Variants in RBFOX1 observed in about 807,000 individuals in gnomAD.
The protein encoded by RBFOX1 is RNA binding protein fox-1 homolog 1.
RBFOX1 carries 8 observed loss-of-function variants against 57.7 expected under a neutral mutation model. The observed-to-expected ratio is 0.14, with a 90% CI of 0.08 to 0.25. The LOEUF (loss-of-function observed/expected upper bound fraction) is 0.25. Ranked by LOEUF, RBFOX1 falls within the 10% of genes least tolerant of loss-of-function variation. The pLI is 1.00. For missense variants in RBFOX1, 611 were observed against 548.5 expected, an observed-to-expected ratio of 1.11 and a Z score of -1.14; for synonymous variants, 326 against 222.4, an observed-to-expected ratio of 1.47 and a Z score of -4.15.
Position 7,332,446 on chromosome 16 carries a change from C to G in RBFOX1, c.28-185701C>G, listed in dbSNP as rs540736900. ...GCGGGAGGAAAACTAGACTGAATAT[C>G]TTCTTATTTTTTTTCTATCAGTGCC... On this transcript the variant is annotated intron_variant, in intron 4 of 15. Transcript: ENST00000550418. 1.1e-3 allele frequency among the ~76,000 whole-genome samples: 167 copies of G among 152,278 alleles called. 2 individuals are homozygous for G. Among genetic ancestry groups the G allele is most frequent in the South Asian group, 3.3e-3 (16 of 4,832 alleles).
rs558086328 is a variant in RBFOX1 at position 5,838,473 on chromosome 16, C to G, written c.319-28830C>G. The stretch of plus-strand genomic sequence containing the variant: ...TACAATCATATATCCTATTCTGGCT[C>G]CCATCCAGTTAGGATGCTGCAGATG... On this transcript the variant is annotated intron_variant, in intron 3 of 19. Transcript: ENST00000641259. The G allele has an allele frequency of 3.9e-3, 602 of 154,544 alleles. 4 individuals are homozygous for G. Among genetic ancestry groups the G allele is most frequent in the Middle Eastern group, 0.031 (11 of 360 alleles). 9.6% of individuals were successfully genotyped at this position (154,544 alleles called of 1,614,324 possible). A position where few individuals can be genotyped will look rare whatever the true frequency, so the allele number is the denominator to read the frequency against.
chr16:7,017,349 A>G (rs985621652), intron 3 of RBFOX1, among the ~76,000 whole-genome samples: 1 of 152,184 alleles, frequency 6.6e-6, no homozygotes, highest in Non-Finnish European at 1.5e-5. Flanking sequence ...GCGGGTGCAT[A>G]TTTAAATGCA....
intron 3 of RBFOX1, among the ~76,000 whole-genome samples, chr16:6,656,549 G>A (rs1254312339): frequency 1.3e-5 from 2 of 151,378 alleles, no homozygotes; most frequent in African/African-American, 4.9e-5. Flanking sequence ...GTCATTAATG[G>A]TCATACTGTG....
intron 10 of RBFOX1, among the ~76,000 whole-genome samples, chr16:7,627,451 C>T (rs1229963156): frequency 6.6e-6 from 1 of 152,114 alleles, no homozygotes; most frequent in Non-Finnish European, 1.5e-5. Flanking sequence ...TTGATAAAAG[C>T]ACAGAAGTCT....
chr16:6,336,064 CT>C (rs1385728182), intron 2 of RBFOX1, among the ~76,000 whole-genome samples: 2 of 144,846 alleles, frequency 1.4e-5, no homozygotes, highest in East Asian at 4.1e-4. Flanking sequence ...CCTTGGTTTC[CT>C]CTTTTGGTAA....
At chr16:6,813,338 C>T (rs1163850997) in intron 3 of RBFOX1, among the ~76,000 whole-genome samples, 1 of 152,186 alleles carries the variant, frequency 6.6e-6, no homozygotes, top group African/African-American at 2.4e-5. Flanking sequence ...TGACCACATT[C>T]ATGTAACTGC....
chr16:5,426,909 C>A (rs939247866), intron 1 of RBFOX1, among the ~76,000 whole-genome samples: 35 of 152,182 alleles, frequency 2.3e-4, no homozygotes, highest in Admixed American at 6.5e-5. Flanking sequence ...AAAATTGGAG[C>A]CCAGAGCCCT....
intron 3 of RBFOX1, among the ~76,000 whole-genome samples, chr16:5,619,184 C>A (rs753132477): frequency 1.1e-4 from 16 of 152,132 alleles, no homozygotes; most frequent in African/African-American, 3.1e-4. Flanking sequence ...AGGCTATGTT[C>A]GTTCTTAAAA....
At chr16:6,716,513 C>T (rs1303897949) in intron 3 of RBFOX1, among the ~76,000 whole-genome samples, 3 of 152,164 alleles carry the variant, frequency 2.0e-5, no homozygotes, top group African/African-American at 7.2e-5. Context: ...CAACTAAAAT[C>T]TGTTTGCTTT....
intron 9 of RBFOX1, among the ~76,000 whole-genome samples, chr16:7,602,227 C>A (rs2095062430): frequency 6.6e-6 from 1 of 152,208 alleles, no homozygotes; most frequent in South Asian, 2.1e-4. Flanking sequence ...AATACTGACA[C>A]TTGACCTTTG....
chr16:6,614,868 G>C (rs994146510), intron 2 of RBFOX1, among the ~76,000 whole-genome samples: 1 of 152,132 alleles, frequency 6.6e-6, no homozygotes, highest in Non-Finnish European at 1.5e-5. Context: ...TTAATAAAGT[G>C]ACTCTGTGTT....
chr16:7,052,720 G>T (rs2050533938), intron 4 of RBFOX1, among the ~76,000 whole-genome samples: 1 of 152,142 alleles, frequency 6.6e-6, no homozygotes, highest in South Asian at 2.1e-4. Flanking sequence ...AATGGAGCTT[G>T]GTGACATTGT....
At chr16:5,372,378 T>C (rs1164746508) in intron 1 of RBFOX1, among the ~76,000 whole-genome samples, 1 of 152,178 alleles carries the variant, frequency 6.6e-6, no homozygotes, top group Non-Finnish European at 1.5e-5. Flanking sequence ...GTCTATGTAT[T>C]GGGTGTGTGG....
At chr16:7,533,082 A>G (rs1024876287) in intron 5 of RBFOX1, among the ~76,000 whole-genome samples, 5 of 152,174 alleles carry the variant, frequency 3.3e-5, no homozygotes, top group African/African-American at 7.2e-5. Flanking sequence ...CCCTCTGACT[A>G]TTTGTCATAG....
intron 4 of RBFOX1, among the ~76,000 whole-genome samples, chr16:5,952,718 G>A (rs527700137): frequency 6.6e-6 from 1 of 152,120 alleles, no homozygotes; most frequent in South Asian, 2.1e-4. Context: ...ATTCTTCCAC[G>A]GATGGGCATC....
At chr16:6,300,676 A>C (rs2078708463) in intron 1 of RBFOX1, among the ~76,000 whole-genome samples, 1 of 152,170 alleles carries the variant, frequency 6.6e-6, no homozygotes, top group South Asian at 2.1e-4. Context: ...TGATTCCCTC[A>C]TATGGCATGG....
chr16:6,942,970 C>T (rs573269585), intron 3 of RBFOX1, among the ~76,000 whole-genome samples: 54 of 152,252 alleles, frequency 3.5e-4, no homozygotes, highest in East Asian at 2.9e-3. Context: ...TGACTTGTTT[C>T]GTGGTTGAAA....
chr16:7,399,899 C>G (rs2098212139), intron 4 of RBFOX1, among the ~76,000 whole-genome samples: 1 of 152,150 alleles, frequency 6.6e-6, no homozygotes, highest in Non-Finnish European at 1.5e-5. Flanking sequence ...TTCATTTTAA[C>G]TTAGAATATT....
intron 3 of RBFOX1, among the ~76,000 whole-genome samples, chr16:6,727,403 C>A (rs1195009969): frequency 1.3e-5 from 2 of 152,104 alleles, no homozygotes; most frequent in East Asian, 3.9e-4. Flanking sequence ...CTTCATTTTA[C>A]AATTGTTCCT....
Sources: allele counts gnomAD v4.1 joint callset (sites outside exome capture counted in the v4.1 genomes callset), GRCh38; gene constraint gnomAD v4.1.1; transcripts MANE v1.5; gene names NCBI Gene and HGNC (gene_info 2026-07-23, HGNC 2026-07-21).